SGCZ: variants seen among roughly 807,000 people sequenced by gnomAD.
The protein encoded by SGCZ is sarcoglycan zeta, also known as zeta-sarcoglycan.
In SGCZ, 40 loss-of-function variants were observed where a neutral mutation model predicts 41.3. The observed-to-expected ratio is 0.97, with a 90% CI of 0.75 to 1.26. The LOEUF is 1.26. Among genes scored for constraint, SGCZ ranks in the 50% most tolerant of loss-of-function variants. The pLI is 0.00. For synonymous variants in SGCZ, 206 were observed against 137.5 expected, an observed-to-expected ratio of 1.50 and a Z score of -3.49; for missense variants, 552 against 369.8, an observed-to-expected ratio of 1.49 and a Z score of -4.04.
At chr8:14,418,812 C>T (rs1439336106) in intron 2 of SGCZ, among the ~76,000 whole-genome samples, 1 of 151,918 alleles carries the variant, frequency 6.6e-6, no homozygotes, top group Non-Finnish European at 1.5e-5. Flanking sequence ...TATTGCTATA[C>T]ATAGTCCAAA....
chr8:14,721,442 G>A (rs191844519), intron 1 of SGCZ, among the ~76,000 whole-genome samples: 2 of 152,156 alleles, frequency 1.3e-5, no homozygotes, highest in South Asian at 2.1e-4. Context: ...TACCATGCCA[G>A]TAAAGGCAAC....
chr8:15,082,718 T>C (rs1490289890), intron 1 of SGCZ, among the ~76,000 whole-genome samples: 1 of 152,144 alleles, frequency 6.6e-6, no homozygotes, highest in Non-Finnish European at 1.5e-5. Flanking sequence ...CCTTTGTTAC[T>C]TTGAGGTTGT....
intron 1 of SGCZ, among the ~76,000 whole-genome samples, chr8:14,880,162 A>G (rs1804533799): frequency 6.6e-6 from 1 of 152,094 alleles, no homozygotes; most frequent in South Asian, 2.1e-4. Context: ...CATTTAACTC[A>G]GGCATTAATT....
intron 7 of SGCZ, among the ~76,000 whole-genome samples, chr8:14,100,676 T>C (rs1801992645): frequency 6.6e-6 from 1 of 150,380 alleles, no homozygotes; most frequent in Admixed American, 6.6e-5. Context: ...GTATAATATC[T>C]GCTAACACTC....
intron 3 of SGCZ, among the ~76,000 whole-genome samples, chr8:14,276,355 C>A (rs1339019161): frequency 3.9e-5 from 6 of 152,098 alleles, no homozygotes; most frequent in Non-Finnish European, 5.9e-5. Flanking sequence ...ATTCTCATTG[C>A]TTAGCATGGT....
chr8:14,799,839 G>T (rs751738635), intron 1 of SGCZ, among the ~76,000 whole-genome samples: 2 of 152,050 alleles, frequency 1.3e-5, no homozygotes, highest in Non-Finnish European at 1.5e-5. Flanking sequence ...CCTAGCAAAT[G>T]TAGTCTTATA....
intron 1 of SGCZ, among the ~76,000 whole-genome samples, chr8:14,912,921 A>G (rs947552608): frequency 2.0e-5 from 3 of 152,090 alleles, no homozygotes; most frequent in African/African-American, 7.2e-5. Flanking sequence ...AACACTCCAC[A>G]GTGAGAGAAT....
At chr8:14,224,144 G>A (rs1314692138) in intron 4 of SGCZ, among the ~76,000 whole-genome samples, 2 of 152,100 alleles carry the variant, frequency 1.3e-5, no homozygotes, top group East Asian at 1.9e-4. Flanking sequence ...ATGTACACAA[G>A]TTTGACTTTT....
At chr8:14,205,269 C>T (rs993600658) in intron 4 of SGCZ, among the ~76,000 whole-genome samples, 1 of 152,020 alleles carries the variant, frequency 6.6e-6, no homozygotes, top group Non-Finnish European at 1.5e-5. Flanking sequence ...GAAATAGACT[C>T]CCCCTCAACA....
At chr8:14,512,127 T>A (rs1802484068) in intron 2 of SGCZ, among the ~76,000 whole-genome samples, 1 of 152,156 alleles carries the variant, frequency 6.6e-6, no homozygotes, top group South Asian at 2.1e-4. Flanking sequence ...TTTTTTGAGC[T>A]GAGTATTTTC....
chr8:14,862,766 A>G (rs2130683721), intron 1 of SGCZ, among the ~76,000 whole-genome samples: 1 of 151,924 alleles, frequency 6.6e-6, no homozygotes, highest in African/African-American at 2.4e-5. Context: ...TTGTGTACTG[A>G]CGAGAGCAGG....
intron 5 of SGCZ, among the ~76,000 whole-genome samples, chr8:14,111,245 G>C (rs1372151971): frequency 3.3e-5 from 5 of 152,084 alleles, no homozygotes; most frequent in Non-Finnish European, 7.4e-5. Context: ...ATTTACAGGG[G>C]ATATACTTAT....
At chr8:15,178,959 C>G (rs1800079286) in intron 1 of SGCZ, among the ~76,000 whole-genome samples, 1 of 152,124 alleles carries the variant, frequency 6.6e-6, no homozygotes, top group South Asian at 2.1e-4. Flanking sequence ...ATATGATAAA[C>G]AATTTTAGAT....
chr8:14,161,005 T>C (rs952697489), intron 5 of SGCZ, among the ~76,000 whole-genome samples: 1 of 152,190 alleles, frequency 6.6e-6, no homozygotes, highest in African/African-American at 2.4e-5. Context: ...ATAGAAAACA[T>C]TTGTGCCACA....
chr8:14,367,333 C>T (rs138267596), intron 2 of SGCZ, among the ~76,000 whole-genome samples: 52 of 152,158 alleles, frequency 3.4e-4, no homozygotes, highest in African/African-American at 1.2e-3. Flanking sequence ...TTCCAAACAT[C>T]CCCACATCTT....
chr8:15,158,694 G>C (rs963448289), intron 1 of SGCZ, among the ~76,000 whole-genome samples: 4 of 152,116 alleles, frequency 2.6e-5, no homozygotes, highest in Admixed American at 2.6e-4. Flanking sequence ...TAAATAGTGA[G>C]GCCTCTAGGG....
At chr8:14,299,966 T>TA (rs567360144) in intron 3 of SGCZ, among the ~76,000 whole-genome samples, 1 of 151,974 alleles carries the variant, frequency 6.6e-6, no homozygotes, top group African/African-American at 2.4e-5. Flanking sequence ...TTTCCTAAGA[T>TA]AAAAAATGCA....
At chr8:14,273,037 A>T (rs1800113130) in intron 3 of SGCZ, among the ~76,000 whole-genome samples, 4 of 151,984 alleles carry the variant, frequency 2.6e-5, no homozygotes, top group Admixed American at 1.3e-4. Context: ...CTTAATAACA[A>T]CTAAGAAATT....
chr8:15,030,921 T>G (rs2130958066), intron 1 of SGCZ, among the ~76,000 whole-genome samples: 1 of 152,282 alleles, frequency 6.6e-6, no homozygotes, highest in East Asian at 1.9e-4. Flanking sequence ...GAAATAGAAC[T>G]TACTGACACC....
Sources: gnomAD v4.1 joint callset for allele counts (sites outside exome capture counted in the v4.1 genomes callset) on GRCh38, gnomAD v4.1.1 for gene constraint, MANE v1.5 for transcripts, NCBI Gene and HGNC (gene_info 2026-07-23, HGNC 2026-07-21) for gene names.